The following FSTL4 variants were observed in gnomAD, a reference collection of about 807,000 sequenced individuals.
FSTL4 encodes follistatin-related protein 4.
FSTL4 carries 28 observed loss-of-function variants against 78.2 expected under a neutral mutation model. The ratio of observed to expected loss-of-function variants is 0.36; its 90% CI spans 0.27 to 0.49. FSTL4 has a LOEUF of 0.49. Ranked by LOEUF, FSTL4 falls within the 20% of genes least tolerant of loss-of-function variation. The pLI is 0.98. For missense variants in FSTL4, 922 were observed against 1,084.9 expected, an observed-to-expected ratio of 0.85 and a Z score of 2.11; for synonymous variants, 422 against 440.5, an observed-to-expected ratio of 0.96 and a Z score of 0.53.
chr5:133,324,586 G>A (rs1180601791), intron 4 of FSTL4, among the ~76,000 whole-genome samples: 1 of 152,228 alleles, frequency 6.6e-6, no homozygotes, highest in East Asian at 1.9e-4. Context: ...ATCCACTGTG[G>A]ATCATCAGGC....
intron 6 of FSTL4, among the ~76,000 whole-genome samples, chr5:133,305,583 A>T (rs1358388016): frequency 1.3e-5 from 2 of 151,968 alleles, no homozygotes; most frequent in Non-Finnish European, 2.9e-5. Flanking sequence ...TACTTTGTTT[A>T]TTGGGTCATC....
intron 7 of FSTL4, 36 bp downstream of exon 7, chr5:133,249,374 T>G (rs1752140302): frequency 2.6e-6 from 4 of 1,568,276 alleles, no homozygotes; most frequent in Non-Finnish European, 3.5e-6. Flanking sequence ...CCCAGGGAGG[T>G]GCGCTTGAGC....
At chr5:133,246,210 C>T (rs1438896273) in intron 7 of FSTL4, among the ~76,000 whole-genome samples, 1 of 152,198 alleles carries the variant, frequency 6.6e-6, no homozygotes, top group Non-Finnish European at 1.5e-5. Context: ...TCATCTCCCA[C>T]TGCCGTGGGG....
At chr5:133,643,545 A>G in the FSTL4 span, among the ~76,000 whole-genome samples, 1 of 151,652 alleles carries the variant, frequency 6.6e-6, no homozygotes, top group African/African-American at 2.4e-5. Context: ...CTTATGTCTA[A>G]TCCCTAATAT....
chr5:133,406,366 C>T (rs1756362726), intron 3 of FSTL4, among the ~76,000 whole-genome samples: 2 of 152,208 alleles, frequency 1.3e-5, no homozygotes, highest in South Asian at 2.1e-4. Flanking sequence ...AAGTTTCACC[C>T]TGCCCAACTG....
chr5:133,651,759 C>T, the FSTL4 span, among the ~76,000 whole-genome samples: 1 of 151,782 alleles, frequency 6.6e-6, no homozygotes, highest in Non-Finnish European at 1.5e-5. Context: ...CTTGTAATGT[C>T]TTTCTTTGGC....
intron 3 of FSTL4, among the ~76,000 whole-genome samples, chr5:133,543,260 C>T (rs573693913): frequency 1.7e-4 from 26 of 152,234 alleles, no homozygotes; most frequent in African/African-American, 6.3e-4. Flanking sequence ...CTGTGTTGCT[C>T]AGGCTTGTCT....
chr5:133,577,704 G>C (rs1000752790), intron 2 of FSTL4, among the ~76,000 whole-genome samples: 3 of 152,130 alleles, frequency 2.0e-5, no homozygotes, highest in African/African-American at 7.2e-5. Flanking sequence ...ACGAGTTCGA[G>C]ACCAGCCTGG....
chr5:133,636,041 C>G, the FSTL4 span, among the ~76,000 whole-genome samples: 1 of 152,096 alleles, frequency 6.6e-6, no homozygotes, highest in Non-Finnish European at 1.5e-5. Context: ...AACCCAGGGC[C>G]CAGGTCGGCA....
chr5:133,509,787 G>C (rs1172717011), intron 3 of FSTL4, among the ~76,000 whole-genome samples: 1 of 152,222 alleles, frequency 6.6e-6, no homozygotes, highest in African/African-American at 2.4e-5. Context: ...CAGATACAAA[G>C]ACAGCCATGA....
intron 6 of FSTL4, among the ~76,000 whole-genome samples, chr5:133,260,575 C>T (rs1752495657): frequency 6.6e-6 from 1 of 152,176 alleles, no homozygotes; most frequent in South Asian, 2.1e-4. Context: ...ACATTGCTCA[C>T]AGCCTCCCGG....
At chr5:133,631,673 A>T in the FSTL4 span, among the ~76,000 whole-genome samples, 1 of 152,248 alleles carries the variant, frequency 6.6e-6, no homozygotes, top group Non-Finnish European at 1.5e-5. Context: ...ATTATAAATC[A>T]TTCTACTATA....
the FSTL4 span, among the ~76,000 whole-genome samples, chr5:133,820,916 T>C: frequency 2.0e-5 from 3 of 152,252 alleles, no homozygotes; most frequent in African/African-American, 7.2e-5. Context: ...TGATAGTGTA[T>C]TCTAATAAAT....
chr5:133,305,656 C>T (rs1447442322), intron 6 of FSTL4, among the ~76,000 whole-genome samples: 1 of 152,226 alleles, frequency 6.6e-6, no homozygotes, highest in Non-Finnish European at 1.5e-5. Context: ...GCAGGGCCTG[C>T]TGTGGTCTTG....
chr5:133,242,161 T>C (rs553376937), intron 7 of FSTL4, among the ~76,000 whole-genome samples: 1 of 152,360 alleles, frequency 6.6e-6, no homozygotes, highest in Non-Finnish European at 1.5e-5. Context: ...GCAGTCTTGT[T>C]TGCTGTAGAC....
chr5:133,435,828 T>A (rs1284953769), intron 3 of FSTL4, among the ~76,000 whole-genome samples: 3 of 152,236 alleles, frequency 2.0e-5, no homozygotes, highest in Non-Finnish European at 2.9e-5. Flanking sequence ...TAAAATGGCA[T>A]CCCTTTTTCT....
At chr5:133,707,284 G>A in the FSTL4 span, among the ~76,000 whole-genome samples, 7 of 152,144 alleles carry the variant, frequency 4.6e-5, no homozygotes, top group Non-Finnish European at 7.3e-5. Flanking sequence ...GCCTCTGGAC[G>A]CTCCCCTCTC....
intron 2 of FSTL4, among the ~76,000 whole-genome samples, chr5:133,589,374 A>T (rs984702256): frequency 6.6e-6 from 1 of 151,832 alleles, no homozygotes; most frequent in Non-Finnish European, 1.5e-5. Flanking sequence ...CCCAAGGCCA[A>T]TTCTTAAAAG....
At chr5:133,229,718 C>T (rs983388764) in intron 8 of FSTL4, among the ~76,000 whole-genome samples, 1 of 152,138 alleles carries the variant, frequency 6.6e-6, no homozygotes, top group African/African-American at 2.4e-5. Flanking sequence ...GAGCTGAGGG[C>T]GTTCTGAGTG....
Sources: gnomAD v4.1 joint callset for allele counts (sites outside exome capture counted in the v4.1 genomes callset) on GRCh38, gnomAD v4.1.1 for gene constraint, MANE v1.5 for transcripts, NCBI Gene and HGNC (gene_info 2026-07-23, HGNC 2026-07-21) for gene names.